The following PTPN1 variants were observed in gnomAD, a reference collection of about 807,000 sequenced individuals.
The protein encoded by PTPN1 is tyrosine-protein phosphatase non-receptor type 1.
In PTPN1, 12 loss-of-function variants were observed where a neutral mutation model predicts 59.9. The observed-to-expected ratio is 0.20, with a 90% CI of 0.13 to 0.32. The LOEUF (loss-of-function observed/expected upper bound fraction) is 0.32, where lower values mean the gene tolerates loss of function less well. Among genes scored for constraint, PTPN1 ranks in the 10% least tolerant of loss-of-function variants. The probability of loss-of-function intolerance (pLI) is 1.00; values close to 1 mark genes in which losing one functional copy is unlikely to be tolerated. For synonymous variants in PTPN1, 178 were observed against 203.6 expected, an observed-to-expected ratio of 0.87 and a Z score of 1.07; for missense variants, 356 against 549.2, an observed-to-expected ratio of 0.65 and a Z score of 3.52.
intron 1 of PTPN1, among the ~76,000 whole-genome samples, chr20:50,532,385 T>C (rs953005853): frequency 6.6e-6 from 1 of 152,208 alleles, no homozygotes; most frequent in Non-Finnish European, 1.5e-5. Context: ...GTTGCTCAGA[T>C]GGACTTTTTT....
At chr20:50,559,948 G>A (rs2082744659) in intron 1 of PTPN1, among the ~76,000 whole-genome samples, 1 of 151,780 alleles carries the variant, frequency 6.6e-6, no homozygotes, top group Admixed American at 6.6e-5. Flanking sequence ...TGCATGTGGT[G>A]GAGAGTAGGG....
chr20:50,568,282 G>T lies in PTPN1; in HGVS notation c.256-98G>T, dbSNP rs902194308. The T allele has an allele frequency of 3.0e-5, 31 of 1,033,610 alleles. No homozygotes were observed. The African/African-American group carries it at 3.1e-4, about 10-fold the overall frequency. 64.0% of individuals were successfully genotyped at this position (1,033,610 alleles called of 1,614,324 possible). On this transcript the variant is annotated intron_variant, in intron 3 of 9. Transcript: ENST00000371621. This position sits in a 1 kb window ranked among gnomAD's most constrained non-coding sequence, Gnocchi z 5.6. ...GCCACCACTCTGCCTAAGCTGTGGG[G>T]ACTGAGGGCGCTGTCGTTAGCTGAC...
intron 4 of PTPN1, among the ~76,000 whole-genome samples, chr20:50,569,580 C>A (rs1467873645): frequency 6.6e-6 from 1 of 151,932 alleles, no homozygotes; most frequent in Non-Finnish European, 1.5e-5. Flanking sequence ...GTAGACTGTC[C>A]TGTGTAGACT....
intron 1 of PTPN1, among the ~76,000 whole-genome samples, chr20:50,542,255 A>G (rs1302230889): frequency 3.9e-5 from 6 of 152,362 alleles, no homozygotes; most frequent in East Asian, 3.9e-4. Flanking sequence ...CCTTCTAGCT[A>G]TCTTGTCTTC....
intron 1 of PTPN1, among the ~76,000 whole-genome samples, chr20:50,525,439 C>T (rs139081759): frequency 6.4e-4 from 97 of 152,366 alleles, no homozygotes; most frequent in African/African-American, 2.2e-3. Context: ...TTACCATTCA[C>T]ACATTTATTA....
In PTPN1 at chr20:50,510,578, G is replaced by A; in HGVS notation, c.51G>A (p.Ala17=). 1 of 1,550,584 alleles carries A rather than the reference G, an allele frequency of 6.4e-7. No individual in the cohort carries two copies. The highest frequency in any genetic ancestry group is 8.7e-7 in the Non-Finnish European group (1 of 1,146,514). ...AGATCGACAAGTCCGGGAGCTGGGC[G>A]GCCATTTACCAGGTGCGGGAGCGCC... is the stretch of plus-strand genomic sequence containing the variant. ...FEQIDKSGSW[A]AIYQDIRHEA... Residue 17 remains alanine (A), a synonymous_variant, in exon 1 of 10, where the codon GCG becomes GCA. Transcript: ENST00000371621.
rs947945058 is a variant in PTPN1 at position 50,568,543 on chromosome 20, C to T, written c.354+65C>T. On this transcript the variant is annotated intron_variant, in intron 4 of 9. Transcript: ENST00000371621. This position sits in a 1 kb window ranked among gnomAD's most constrained non-coding sequence, Gnocchi z 5.6. ...TACCACTCCATATAGTTACCATTTTCGTCCAGATTTTTAAATTATTTTTCT... is the reference window on the plus strand; with the variant it reads ...TACCACTCCATATAGTTACCATTTTTGTCCAGATTTTTAAATTATTTTTCT... The T allele has an allele frequency of 4.6e-6, 6 of 1,295,036 alleles. No homozygotes were observed. Among genetic ancestry groups the T allele is most frequent in the Non-Finnish European group, 5.6e-6 (5 of 899,550 alleles). The allele number at this position is 1,295,036 out of a possible 1,614,324, so 80.2% of individuals were successfully genotyped here. A position where few individuals can be genotyped will look rare whatever the true frequency, so the allele number is the denominator to read the frequency against.
intron 1 of PTPN1, among the ~76,000 whole-genome samples, chr20:50,512,466 A>T (rs1355903078): frequency 6.6e-6 from 1 of 152,232 alleles, no homozygotes; most frequent in Non-Finnish European, 1.5e-5. Context: ...TTCAGCATGC[A>T]ACTAGCATGG....
intron 1 of PTPN1, among the ~76,000 whole-genome samples, chr20:50,534,078 T>C (rs560880469): frequency 1.3e-5 from 2 of 152,250 alleles, no homozygotes; most frequent in Admixed American, 6.5e-5. Context: ...ATTACAGGCA[T>C]GCGCCACCAT....
In PTPN1 at chr20:50,584,841, C is replaced by G. The variant is rs2082891627; in HGVS notation, c.*2126C>G. 1 of 152,332 alleles carries G rather than the reference C, an allele frequency of 6.6e-6. No homozygotes were observed. The highest frequency in any genetic ancestry group is 1.9e-4 in the East Asian group (1 of 5,186). 9.4% of individuals were successfully genotyped at this position (152,332 alleles called of 1,614,324 possible). A position where few individuals can be genotyped will look rare whatever the true frequency, so the allele number is the denominator to read the frequency against. ...TAACTCCTGTTTCTTTCTATCCCTGCTGATGTGAAACAGATGTTGTCAATC... is the reference window on the plus strand; with the variant it reads ...TAACTCCTGTTTCTTTCTATCCCTGGTGATGTGAAACAGATGTTGTCAATC... On this transcript the variant is annotated 3_prime_UTR_variant, in exon 10 of 10. Coordinates refer to ENST00000371621, the MANE Select transcript of PTPN1 (RefSeq NM_002827.4).
intron 1 of PTPN1, among the ~76,000 whole-genome samples, chr20:50,531,379 T>G (rs1384800847): frequency 6.6e-6 from 1 of 152,098 alleles, no homozygotes; most frequent in African/African-American, 2.4e-5. Context: ...AGTCTTTTTT[T>G]GTTTGTTTGT....
chr20:50,552,835 G>A (rs555112545), intron 1 of PTPN1, among the ~76,000 whole-genome samples: 1 of 151,828 alleles, frequency 6.6e-6, no homozygotes, highest in Non-Finnish European at 1.5e-5. Context: ...CAGACATGCC[G>A]TGCGTCCTCC....
chr20:50,567,542 A>G (rs557492365), intron 3 of PTPN1, among the ~76,000 whole-genome samples: 8 of 152,338 alleles, frequency 5.3e-5, no homozygotes, highest in Admixed American at 1.3e-4. Context: ...GTGATAGGCA[A>G]TGTCTCTTCC....
intron 3 of PTPN1, among the ~76,000 whole-genome samples, chr20:50,565,695 T>TA (rs1294381720): frequency 6.6e-4 from 101 of 152,292 alleles, no homozygotes; most frequent in African/African-American, 2.4e-3. Context: ...AGTTTCTTTT[T>TA]AATTAATCTT....
At chr20:50,550,192 A>G (rs1004348408) in intron 1 of PTPN1, among the ~76,000 whole-genome samples, 2 of 152,120 alleles carry the variant, frequency 1.3e-5, no homozygotes, top group South Asian at 2.1e-4. Flanking sequence ...TTTCCCTTCA[A>G]TCTAGCTCTG....
intron 1 of PTPN1, among the ~76,000 whole-genome samples, chr20:50,546,024 C>T (rs559209822): frequency 9.9e-5 from 15 of 151,828 alleles, no homozygotes; most frequent in East Asian, 5.8e-4. Flanking sequence ...GGTGACAGAG[C>T]GAGACAGGTC....
chr20:50,563,021 T>C (rs1222584079), intron 2 of PTPN1: 1 of 149,638 alleles, frequency 6.7e-6, no homozygotes. Flanking sequence ...CTGGTCCAAG[T>C]ACAGTAGTGT....
chr20:50,580,970 A>G (rs891811156), intron 8 of PTPN1, among the ~76,000 whole-genome samples: 1 of 152,198 alleles, frequency 6.6e-6, no homozygotes, highest in African/African-American at 2.4e-5. Flanking sequence ...TGAGTCCTCC[A>G]GCCAGATAAA....
Position 50,510,404 on chromosome 20 carries a change from G to A in PTPN1, c.-124G>A, listed in dbSNP as rs2082500237. 6 of 1,033,484 alleles carry A rather than the reference G, an allele frequency of 5.8e-6. No homozygotes were observed. Among genetic ancestry groups the A allele is most frequent in the African/African-American group, 3.4e-5 (2 of 59,578 alleles). The allele number at this position is 1,033,484 out of a possible 1,614,324, so 64.0% of individuals were successfully genotyped here. ...TGACATGAAGAAGCAGCAGCGGCTA[G>A]GGCGGCGGTAGCTGCAGGGGTCGGG... is the stretch of plus-strand genomic sequence containing the variant. On this transcript the variant is annotated 5_prime_UTR_variant, in exon 1 of 10. Coordinates refer to ENST00000371621, the MANE Select transcript of PTPN1 (RefSeq NM_002827.4).
Sources: allele counts gnomAD v4.1 joint callset (sites outside exome capture counted in the v4.1 genomes callset), GRCh38; gene constraint gnomAD v4.1.1; non-coding constraint Gnocchi (gnomAD v3.1); transcripts MANE v1.5; gene names NCBI Gene and HGNC (gene_info 2026-07-23, HGNC 2026-07-21).